TGFBR1: variants seen among roughly 807,000 people sequenced by gnomAD.
TGFBR1 encodes TGF-beta receptor type-1.
A neutral mutation model predicts 55.1 loss-of-function variants in TGFBR1; 20 were observed. The observed-to-expected ratio is 0.36, with a 90% CI of 0.26 to 0.53. The LOEUF is 0.53. Ranked by LOEUF, TGFBR1 falls within the 20% of genes least tolerant of loss-of-function variation. The pLI is 0.91. For missense variants in TGFBR1, 385 were observed against 617.6 expected (o/e 0.62, Z 3.99); for synonymous variants, 220 against 214.8 (o/e 1.02, Z -0.21).
chr9:99,131,075 TAAAG>T (rs371509661), intron 2 of TGFBR1, among the ~76,000 whole-genome samples: 122 of 152,020 alleles, frequency 8.0e-4, no homozygotes, highest in African/African-American at 2.7e-3. Context: ...CATGAAATCA[TAAAG>T]AAGACAGAAT....
chr9:99,117,688 G>A (rs553471269), intron 1 of TGFBR1, among the ~76,000 whole-genome samples: 1 of 152,238 alleles, frequency 6.6e-6, no homozygotes, highest in Admixed American at 6.5e-5. Flanking sequence ...TGTAATCTCT[G>A]TTCTGTTTGC....
intron 1 of TGFBR1, among the ~76,000 whole-genome samples, chr9:99,119,966 G>A (rs562808217): frequency 1.1e-4 from 17 of 152,308 alleles, no homozygotes; most frequent in Admixed American, 5.2e-4. Flanking sequence ...AGACTGGCAC[G>A]TAATAGGAGC....
Position 99,146,593 on chromosome 9 carries a change from A to C in TGFBR1, c.1239A>C (p.Arg413=). Residue 413 remains arginine (R), a synonymous_variant, in exon 7 of 9, where the codon CGA becomes CGC. Transcript: ENST00000374994. ...GCTTAGTATTCTGGGAAATTGCTCG[A>C]CGATGTTCCATTGGTGGTAAATTGC... ...AMGLVFWEIA[R]RCSIGGIHED... The C allele has an allele frequency of 6.2e-7, 1 of 1,613,950 alleles. No individual in the cohort carries two copies. Among genetic ancestry groups the C allele is most frequent in the Non-Finnish European group, 8.5e-7 (1 of 1,179,874 alleles).
chr9:99,135,579 A>G (rs1028214271), intron 3 of TGFBR1, among the ~76,000 whole-genome samples: 22 of 152,186 alleles, frequency 1.4e-4, no homozygotes, highest in African/African-American at 4.6e-4. Flanking sequence ...CTGTACGCCA[A>G]GTGTGTGAGT....
chr9:99,139,409 T>G (rs1414909756), intron 4 of TGFBR1, among the ~76,000 whole-genome samples: 1 of 152,226 alleles, frequency 6.6e-6, no homozygotes, highest in Non-Finnish European at 1.5e-5. Context: ...GTACTGCTTT[T>G]TTTTGTTATT....
chr9:99,134,802 T>TTATATATATATATATATA (rs10625219), intron 3 of TGFBR1, among the ~76,000 whole-genome samples: 6 of 41,360 alleles, frequency 1.5e-4, no homozygotes, highest in Non-Finnish European at 2.1e-4. Flanking sequence ...TCTGTTTCCA[T>TTATATATATATATATATA]TATATATATA....
intron 3 of TGFBR1, among the ~76,000 whole-genome samples, chr9:99,134,101 T>C (rs1588581408): frequency 6.6e-6 from 1 of 152,010 alleles, no homozygotes; most frequent in Admixed American, 6.6e-5. Flanking sequence ...TTCTGAAGCA[T>C]AAAATCACAT....
intron 1 of TGFBR1, among the ~76,000 whole-genome samples, chr9:99,121,163 T>C (rs1203167325): frequency 6.6e-6 from 1 of 152,212 alleles, no homozygotes; most frequent in Non-Finnish European, 1.5e-5. Context: ...GCGTTTATTC[T>C]GATGCCCTAA....
intron 2 of TGFBR1, 127 bp downstream of exon 2, chr9:99,129,227 C>T (rs1397978415): frequency 1.2e-5 from 13 of 1,076,040 alleles, no homozygotes; most frequent in Non-Finnish European, 1.8e-5. Context: ...CAAGAAGTGA[C>T]TTGTCCATTG....
intron 3 of TGFBR1, among the ~76,000 whole-genome samples, chr9:99,133,170 A>G (rs1315910955): frequency 6.6e-6 from 1 of 152,240 alleles, no homozygotes; most frequent in Non-Finnish European, 1.5e-5. Flanking sequence ...CATGACAGAA[A>G]TGTATTCAGA....
chr9:99,123,053 T>G (rs1272155499), intron 1 of TGFBR1, among the ~76,000 whole-genome samples: 1 of 152,116 alleles, frequency 6.6e-6, no homozygotes, highest in Non-Finnish European at 1.5e-5. Flanking sequence ...TAGACTTGGG[T>G]CCCATTCCCA....
chr9:99,112,751 C>T lies in TGFBR1; in HGVS notation c.97+7449C>T, dbSNP rs187542418. Among the ~76,000 whole-genome samples, 9 of 151,932 alleles carry T rather than the reference C, an allele frequency of 5.9e-5. No individual in the cohort carries two copies. In the South Asian group the frequency reaches 1.0e-3, roughly 18 times the overall value. On this transcript the variant is annotated intron_variant, in intron 1 of 8. Transcript: ENST00000374994. ...CTTTAACTTAATGAGTAATTTGGCA[C>T]GAGGATTAAGGGGAGACGAATTCTG...
chr9:99,128,770 C>A, intron 1 of TGFBR1, 85 bp from the exon 2 acceptor site: 2 of 1,541,814 alleles, frequency 1.3e-6, no homozygotes, highest in Non-Finnish European at 8.9e-7. Flanking sequence ...ATAATAGGAT[C>A]AAGAATGTAT....
intron 3 of TGFBR1, 74 bp from the exon 4 acceptor site, chr9:99,137,785 A>G: frequency 8.0e-7 from 1 of 1,244,068 alleles, no homozygotes; most frequent in East Asian, 2.4e-5. Context: ...TGGGTCACTC[A>G]TTAGTGCCTA....
intron 4 of TGFBR1, among the ~76,000 whole-genome samples, chr9:99,139,948 C>T (rs1464169689): frequency 1.3e-5 from 2 of 152,152 alleles, no homozygotes. Flanking sequence ...GTTCTTCTAT[C>T]TTTTCTGAAA....
intron 1 of TGFBR1, among the ~76,000 whole-genome samples, chr9:99,107,562 G>A (rs1238403917): frequency 6.6e-6 from 1 of 151,986 alleles, no homozygotes; most frequent in Non-Finnish European, 1.5e-5. Flanking sequence ...TCCTTTCTTG[G>A]TATGCAGCCT....
chr9:99,139,816 T>G (rs2118744967), intron 4 of TGFBR1, among the ~76,000 whole-genome samples: 1 of 152,274 alleles, frequency 6.6e-6, no homozygotes, highest in Middle Eastern at 3.4e-3. Flanking sequence ...AAAATTTAGG[T>G]CCCCCCTTCA....
chr9:99,127,094 C>T (rs1418805294), intron 1 of TGFBR1, among the ~76,000 whole-genome samples: 1 of 152,108 alleles, frequency 6.6e-6, no homozygotes, highest in Non-Finnish European at 1.5e-5. Context: ...CTGTTACAGT[C>T]ATGGTTATAG....
intron 1 of TGFBR1, among the ~76,000 whole-genome samples, chr9:99,114,782 G>A (rs1826686093): frequency 6.6e-6 from 1 of 152,192 alleles, no homozygotes. Context: ...GTCTCCATTT[G>A]ATACACTTCA....
Sources: allele counts gnomAD v4.1 joint callset (sites outside exome capture counted in the v4.1 genomes callset), GRCh38; gene constraint gnomAD v4.1.1; transcripts MANE v1.5; gene names NCBI Gene and HGNC (gene_info 2026-07-23, HGNC 2026-07-21).